SLCO3A1: variants seen among roughly 807,000 people sequenced by gnomAD.
The protein encoded by SLCO3A1 is PGE1 transporter.
SLCO3A1 carries 27 observed loss-of-function variants against 63.1 expected under a neutral mutation model. The ratio of observed to expected loss-of-function variants is 0.43; its 90% CI spans 0.32 to 0.59. The LOEUF (loss-of-function observed/expected upper bound fraction) is 0.59, where lower values mean the gene tolerates loss of function less well. Ranked by LOEUF, SLCO3A1 falls within the 20% of genes least tolerant of loss-of-function variation. The pLI, the probability that SLCO3A1 is intolerant of heterozygous loss-of-function variation, is 0.09. For missense variants in SLCO3A1, 773 were observed against 945.8 expected, an observed-to-expected ratio of 0.82 and a Z score of 2.40; for synonymous variants, 473 against 409.9, an observed-to-expected ratio of 1.15 and a Z score of -1.86.
intron 9 of SLCO3A1, chr15:92,153,612 G>A (rs2048335219): frequency 6.6e-6 from 1 of 152,240 alleles, no homozygotes; most frequent in Admixed American, 6.5e-5. Flanking sequence ...ATACAATGGG[G>A]ACATCACAGG....
At chr15:92,058,414 C>A (rs2047046975) in intron 2 of SLCO3A1, among the ~76,000 whole-genome samples, 1 of 152,038 alleles carries the variant, frequency 6.6e-6, no homozygotes, top group African/African-American at 2.4e-5. Flanking sequence ...GAGTTTTACC[C>A]CTCACCCATC....
chr15:92,148,050 C>T (rs1567147017), intron 8 of SLCO3A1, among the ~76,000 whole-genome samples: 1 of 152,160 alleles, frequency 6.6e-6, no homozygotes, highest in Non-Finnish European at 1.5e-5. Context: ...AACCTCTTCT[C>T]TACAAAAAGT....
intron 2 of SLCO3A1, among the ~76,000 whole-genome samples, chr15:91,985,607 T>G (rs564885527): frequency 6.6e-6 from 1 of 152,208 alleles, no homozygotes; most frequent in East Asian, 1.9e-4. Flanking sequence ...CACTTGGTAT[T>G]AGTGTCGTCT....
At chr15:91,921,022 T>C (rs1232022887) in intron 2 of SLCO3A1, among the ~76,000 whole-genome samples, 5 of 152,168 alleles carry the variant, frequency 3.3e-5, no homozygotes. Flanking sequence ...TATGGCGTTG[T>C]ATTAGTTTGC....
chr15:92,031,200 T>A (rs1034670959), intron 2 of SLCO3A1, among the ~76,000 whole-genome samples: 1 of 151,766 alleles, frequency 6.6e-6, no homozygotes, highest in African/African-American at 2.4e-5. Context: ...AAGACATCAA[T>A]AGAGCTATGA....
chr15:92,027,530 T>C lies in SLCO3A1; in HGVS notation c.647-67351T>C, dbSNP rs994999157. On this transcript the variant is annotated intron_variant, in intron 2 of 9. Transcript: ENST00000318445. The stretch of plus-strand genomic sequence containing the variant: ...GAGGAGTCTCATCCTGGTTTCTCTG[T>C]CGTCTTCACCCGTGCTTTGGCCACA... Among the ~76,000 whole-genome samples the C allele has an allele frequency of 4.6e-5, 7 of 152,342 alleles. No homozygotes were observed. In the East Asian group the frequency reaches 1.2e-3, roughly 25 times the overall value.
chr15:92,108,944 T>C (rs1168334564), intron 4 of SLCO3A1, among the ~76,000 whole-genome samples: 1 of 152,114 alleles, frequency 6.6e-6, no homozygotes, highest in Non-Finnish European at 1.5e-5. Context: ...GCAGTCTCTT[T>C]GCTTGTCTGT....
At chr15:92,068,306 G>A (rs775151346) in intron 2 of SLCO3A1, among the ~76,000 whole-genome samples, 4 of 152,102 alleles carry the variant, frequency 2.6e-5, no homozygotes, top group South Asian at 2.1e-4. Context: ...TGCAAACCAC[G>A]TGAGTCCATT....
At chr15:92,131,515 C>G (rs911942888) in intron 7 of SLCO3A1, among the ~76,000 whole-genome samples, 1 of 140,640 alleles carries the variant, frequency 7.1e-6, no homozygotes, top group Admixed American at 7.2e-5. Context: ...TAGGCAAACA[C>G]CACCACACCC....
Position 91,913,962 on chromosome 15 carries a change from T to C in SLCO3A1, c.181-2031T>C, listed in dbSNP as rs181633956. ...GCCCAGCTGTCTTCACTGCTGGCCT[T>C]CTTCCACCCTCCATTCACCACACCT... On this transcript the variant is annotated intron_variant, in intron 1 of 9. Coordinates refer to ENST00000318445, the MANE Select transcript of SLCO3A1 (RefSeq NM_013272.4). Among the ~76,000 whole-genome samples, 880 of 152,290 alleles carry C rather than the reference T, an allele frequency of 5.8e-3. 2 individuals are homozygous for C. The highest frequency in any genetic ancestry group is 0.02 in the Middle Eastern group (6 of 294).
At chr15:91,975,641 G>A (rs1413586025) in intron 2 of SLCO3A1, among the ~76,000 whole-genome samples, 1 of 152,238 alleles carries the variant, frequency 6.6e-6, no homozygotes, top group African/African-American at 2.4e-5. Context: ...CAGCAGACAA[G>A]CTGCATCCAG....
chr15:91,974,095 G>A (rs1374140807), intron 2 of SLCO3A1, among the ~76,000 whole-genome samples: 3 of 151,974 alleles, frequency 2.0e-5, no homozygotes, highest in Admixed American at 2.0e-4. Flanking sequence ...AAACCAGGCT[G>A]TGGACCCAAA....
intron 2 of SLCO3A1, among the ~76,000 whole-genome samples, chr15:92,039,865 A>T (rs4499213): frequency 3.9e-5 from 6 of 152,076 alleles, no homozygotes; most frequent in East Asian, 1.9e-4. Flanking sequence ...ACATATACAC[A>T]GTGGAATACC....
intron 2 of SLCO3A1, among the ~76,000 whole-genome samples, chr15:92,082,393 T>C (rs1004292052): frequency 2.0e-5 from 3 of 152,160 alleles, no homozygotes; most frequent in Admixed American, 2.0e-4. Context: ...ATTTAGGAAG[T>C]GGAGGCCAAG....
chr15:91,894,613 C>T lies in SLCO3A1; in HGVS notation c.181-21380C>T, dbSNP rs895067665. Among the ~76,000 whole-genome samples, 5 of 152,096 alleles carry T rather than the reference C, an allele frequency of 3.3e-5. No individual in the cohort carries two copies. Among genetic ancestry groups the T allele is most frequent in the Admixed American group, 2.0e-4 (3 of 15,276 alleles). ...GGAGTGGACAGTGGGGCTGAAGACCCGTGTAGCCCGAGGCAGCATTTTTGA... is the reference window on the plus strand; with the variant it reads ...GGAGTGGACAGTGGGGCTGAAGACCTGTGTAGCCCGAGGCAGCATTTTTGA... On this transcript the variant is annotated intron_variant, in intron 1 of 9. Coordinates refer to ENST00000318445, the MANE Select transcript of SLCO3A1 (RefSeq NM_013272.4). This position sits in a 1 kb window ranked among gnomAD's most constrained non-coding sequence, Gnocchi z 4.8.
intron 1 of SLCO3A1, among the ~76,000 whole-genome samples, chr15:91,876,019 C>A (rs1317203988): frequency 2.0e-5 from 3 of 152,176 alleles, no homozygotes; most frequent in Non-Finnish European, 4.4e-5. Flanking sequence ...AGAGATGCCA[C>A]CTCAGCTGAG....
At chr15:92,016,460 G>T (rs2046438871) in intron 2 of SLCO3A1, among the ~76,000 whole-genome samples, 1 of 152,120 alleles carries the variant, frequency 6.6e-6, no homozygotes. Context: ...GCCTGAAGAA[G>T]GCTTTGAAGG....
intron 2 of SLCO3A1, among the ~76,000 whole-genome samples, chr15:92,039,231 G>C (rs2046765828): frequency 1.3e-5 from 2 of 152,100 alleles, no homozygotes; most frequent in Non-Finnish European, 1.5e-5. Flanking sequence ...TTGACAAATG[G>C]GATCTAATTA....
At chr15:92,001,053 T>C (rs1293506603) in intron 2 of SLCO3A1, among the ~76,000 whole-genome samples, 1 of 152,106 alleles carries the variant, frequency 6.6e-6, no homozygotes, top group African/African-American at 2.4e-5. Flanking sequence ...TTCTAGCTAC[T>C]CTCCCCAGCT....
Sources: gnomAD v4.1 joint callset for allele counts (sites outside exome capture counted in the v4.1 genomes callset) on GRCh38, gnomAD v4.1.1 for gene constraint, Gnocchi (gnomAD v3.1) non-coding constraint, MANE v1.5 for transcripts, NCBI Gene and HGNC (gene_info 2026-07-23, HGNC 2026-07-21) for gene names.